The following SMARCA5 variants were observed in gnomAD, a reference collection of about 807,000 sequenced individuals.
SMARCA5 encodes the protein SWI/SNF-related matrix-associated actin-dependent regulator of chromatin subfamily A member 5.
In SMARCA5, 18 loss-of-function variants were observed where a neutral mutation model predicts 140.4. The ratio of observed to expected loss-of-function variants is 0.13; its 90% CI spans 0.09 to 0.19. The LOEUF (loss-of-function observed/expected upper bound fraction) is 0.19, where lower values mean the gene tolerates loss of function less well. SMARCA5 is among the 10% of genes least tolerant of loss of function. The pLI is 1.00. For synonymous variants in SMARCA5, 449 were observed against 419.6 expected (o/e 1.07, Z -0.86); for missense variants, 606 against 1,276.8 (o/e 0.47, Z 8.01).
chr4:143,533,334 C>G (rs34882330), intron 9 of SMARCA5, among the ~76,000 whole-genome samples: 32,044 of 151,898 alleles, frequency 0.21, 3,379 homozygotes, highest in South Asian at 0.29. Context: ...CTAGAGTGTT[C>G]TATTTGGGTA....
At chr4:143,521,674 TA>T (rs1263108029) in intron 3 of SMARCA5, 79 bp downstream of exon 3, 1 of 1,230,408 alleles carries the variant, frequency 8.1e-7, no homozygotes, top group Non-Finnish European at 1.1e-6. Context: ...ATCACTATGA[TA>T]AATAACTTAA....
chr4:143,523,489 A>T (rs1378754257), intron 3 of SMARCA5, among the ~76,000 whole-genome samples: 1 of 152,252 alleles, frequency 6.6e-6, no homozygotes, highest in Non-Finnish European at 1.5e-5. Flanking sequence ...CAGTTTATGG[A>T]GAATAAATAG....
chr4:143,530,437 A>T (rs1737161886), intron 8 of SMARCA5, 21 bp from the exon 9 acceptor site: 1 of 1,565,884 alleles, frequency 6.4e-7, no homozygotes, highest in African/African-American at 1.4e-5. Context: ...ATCTGAGTAT[A>T]TTTTTTGTTT....
intron 1 of SMARCA5, 53 bp downstream of exon 1, chr4:143,514,154 C>CCAG: frequency 6.9e-7 from 1 of 1,441,318 alleles, no homozygotes; most frequent in Non-Finnish European, 9.1e-7. Context: ...GAGGAGCTGG[C>CCAG]TCCCTCGCCG....
chr4:143,550,620 C>T (rs551864884), intron 23 of SMARCA5, among the ~76,000 whole-genome samples: 24 of 152,024 alleles, frequency 1.6e-4, no homozygotes, highest in Admixed American at 3.9e-4. Context: ...TGGTATCCAT[C>T]CTTCTCTCTG....
Position 143,555,197 on chromosome 4 carries a change from C to CT in SMARCA5, c.*2014dup, listed in dbSNP as rs35091623. 0.21 allele frequency: 158,361 copies of CT among 752,658 alleles called. 18,237 individuals carry two copies. Among genetic ancestry groups the CT allele is most frequent in the South Asian group, 0.3 (22,578 of 74,658 alleles). 46.6% of individuals were successfully genotyped at this position (752,658 alleles called of 1,614,324 possible). A position where few individuals can be genotyped will look rare whatever the true frequency, so the allele number is the denominator to read the frequency against. On this transcript the variant is annotated 3_prime_UTR_variant, in exon 24 of 24. Coordinates refer to ENST00000283131, the MANE Select transcript of SMARCA5 (RefSeq NM_003601.4). ...TCGTGGTTTGGCAAAGTATTGGCCT[C>CT]TACCACCATAGGGCCCAGAGCTTCT... is the stretch of plus-strand genomic sequence containing the variant.
rs1339995370 is a variant in SMARCA5, at chr4:143,538,625, G to T, written c.1531G>T (p.Val511Leu). ...ACTAATCTTCAGTCAAATGACAAGG[G>T]TATTGGACATTTTGGAAGATTATTG... is the stretch of plus-strand genomic sequence containing the variant. ...RVLIFSQMTR[V>L]LDILEDYCMW... Residue 511 changes from valine to leucine, a missense_variant, in exon 12 of 24, where the codon GTA (valine) becomes TTA (leucine). By Grantham distance (32) the Val-to-Leu change is conservative. Transcript: ENST00000283131. 8 of 1,611,020 alleles carry T rather than the reference G, an allele frequency of 5.0e-6. No homozygotes were observed. The highest frequency in any genetic ancestry group is 2.2e-5 in the South Asian group (2 of 91,000).
rs952097975 is a variant in SMARCA5, at chr4:143,540,839, T to C, written c.1903+344T>C. On this transcript the variant is annotated intron_variant, in intron 14 of 23. Coordinates refer to ENST00000283131, the MANE Select transcript of SMARCA5 (RefSeq NM_003601.4). ...TATATAAAATATCTGACATTCAGTG[T>C]GGTGGTTAATGATTTATATGTACTA... Among the ~76,000 whole-genome samples the C allele has an allele frequency of 2.6e-5, 4 of 152,116 alleles. No individual in the cohort carries two copies. The South Asian group carries it at 8.3e-4, about 32-fold the overall frequency.
Position 143,555,622 on chromosome 4 carries a change from C to CA in SMARCA5, c.*2441dup, listed in dbSNP as rs1435747230. Reference sequence around the variant, plus strand: ...AAAGATTGCTTAATTGTACATCTGACAAAGTGCTGGAGGCTATTATAAAGT... The same window carrying CA: ...AAAGATTGCTTAATTGTACATCTGACAAAAGTGCTGGAGGCTATTATAAAGT... On this transcript the variant is annotated 3_prime_UTR_variant, in exon 24 of 24. Coordinates refer to ENST00000283131, the MANE Select transcript of SMARCA5 (RefSeq NM_003601.4). 3.5e-6 allele frequency: 1 copy of CA among 288,876 alleles called. No homozygotes were observed. The highest frequency in any genetic ancestry group is 6.7e-6 in the Non-Finnish European group (1 of 149,738). The allele number at this position is 288,876 out of a possible 1,614,324, so 17.9% of individuals were successfully genotyped here.
At chr4:143,526,847 A>G (rs1737084892) in intron 6 of SMARCA5, among the ~76,000 whole-genome samples, 1 of 151,960 alleles carries the variant, frequency 6.6e-6, no homozygotes, top group Admixed American at 6.6e-5. Flanking sequence ...CTGGGCAACA[A>G]AGCAAGACCA....
In SMARCA5 at chr4:143,548,071, A is replaced by G; in HGVS notation, c.2916A>G (p.Glu972=). The change falls in exon 22 of 24, where the codon GAA becomes GAG. Residue 972 remains glutamate, a synonymous_variant. Transcript: ENST00000283131. ...TTGACAAAGAAAATGTTTATGATGA[A>G]TTGCGACAGTGTATTCGCAACTCTC... ...LGFDKENVYD[E]LRQCIRNSPQ... 2 of 1,612,920 alleles carry G rather than the reference A, an allele frequency of 1.2e-6. No homozygotes were observed. The highest frequency in any genetic ancestry group is 1.7e-6 in the Non-Finnish European group (2 of 1,179,150).
At chr4:143,540,298 A>G (rs1476793187) in intron 13 of SMARCA5, 65 bp from the exon 14 acceptor site, 4 of 1,298,212 alleles carry the variant, frequency 3.1e-6, no homozygotes, top group Non-Finnish European at 4.3e-6. Context: ...TTCTCAGTGT[A>G]CCCATTTCAG....
intron 1 of SMARCA5, chr4:143,514,767 C>T (rs1333830317): frequency 1.3e-5 from 2 of 152,170 alleles, no homozygotes; most frequent in African/African-American, 2.4e-5. Context: ...GATCCCCCGT[C>T]TAATTTAGGG....
chr4:143,513,747 T>G lies in SMARCA5; in HGVS notation c.-178T>G. The stretch of plus-strand genomic sequence containing the variant: ...CGCGGAAGAGCAGAACGTTTGGGAG[T>G]GTGCAGCTCCTGGGCCCGGCTCAGG... On this transcript the variant is annotated 5_prime_UTR_variant, in exon 1 of 24. Transcript: ENST00000283131. 3.1e-6 allele frequency: 2 copies of G among 640,146 alleles called. No individual in the cohort carries two copies. The highest frequency in any genetic ancestry group is 5.2e-6 in the Non-Finnish European group (2 of 382,316). The allele number at this position is 640,146 out of a possible 1,614,324, so 39.7% of individuals were successfully genotyped here.
intron 2 of SMARCA5, among the ~76,000 whole-genome samples, chr4:143,517,952 A>G (rs1736875853): frequency 6.6e-6 from 1 of 152,176 alleles, no homozygotes. Context: ...GCCAAATGGA[A>G]GTATTATATG....
Position 143,540,347 on chromosome 4 carries a change from A to C in SMARCA5, c.1771-16A>C, listed in dbSNP as rs1022038121. The C allele has an allele frequency of 1.3e-6, 2 of 1,568,100 alleles. No individual in the cohort carries two copies. The highest frequency in any genetic ancestry group is 3.9e-5 in the Admixed American group (2 of 50,800). On this transcript the variant is annotated splice_polypyrimidine_tract_variant and intron_variant, in intron 13 of 23. Coordinates refer to ENST00000283131, the MANE Select transcript of SMARCA5 (RefSeq NM_003601.4). The stretch of plus-strand genomic sequence containing the variant: ...ACTTTTAAACTAAATTCAAAATAAC[A>C]TGGTAATTTATTTAGGACCGAGCAC...
chr4:143,528,179 A>G lies in SMARCA5; in HGVS notation c.957+156A>G, dbSNP rs138731484. Among the ~76,000 whole-genome samples the G allele has an allele frequency of 5.4e-3, 820 of 152,100 alleles. 2 individuals carry two copies. The highest frequency in any genetic ancestry group is 7.0e-3 in the Non-Finnish European group (475 of 67,982). ...GTGCCATGGTGGTTTGCTGCACCCCATCATCTAGGTTTTAAGCCCCGCATG... is the reference window on the plus strand; with the variant it reads ...GTGCCATGGTGGTTTGCTGCACCCCGTCATCTAGGTTTTAAGCCCCGCATG... On this transcript the variant is annotated intron_variant, in intron 7 of 23. Coordinates refer to ENST00000283131, the MANE Select transcript of SMARCA5 (RefSeq NM_003601.4).
At position 143,525,497 on chromosome 4, in the gene SMARCA5, C is replaced by T. The variant is rs1737050656; in HGVS notation, c.567C>T (p.Asn189=). Residue 189 remains asparagine, a synonymous_variant, in exon 5 of 24, where the codon AAC becomes AAT. Coordinates refer to ENST00000283131, the MANE Select transcript of SMARCA5 (RefSeq NM_003601.4). ...KLRDYQVRGL[N]WLISLYENGI... is the part of the protein sequence containing the mutation. The stretch of plus-strand genomic sequence containing the variant: ...GAGATTATCAGGTCCGAGGATTAAA[C>T]TGGCTCATTTCTTTGTATGAGAATG... The T allele has an allele frequency of 6.2e-7, 1 of 1,613,448 alleles. No homozygotes were observed. The highest frequency in any genetic ancestry group is 1.3e-5 in the African/African-American group (1 of 74,904).
chr4:143,527,492 A>C (rs1008489623), intron 6 of SMARCA5, among the ~76,000 whole-genome samples: 4 of 152,240 alleles, frequency 2.6e-5, no homozygotes, highest in Non-Finnish European at 5.9e-5. Context: ...AAAGGAATGC[A>C]GATGCCTACT....
Sources: gnomAD v4.1 joint callset for allele counts (sites outside exome capture counted in the v4.1 genomes callset) on GRCh38, gnomAD v4.1.1 for gene constraint, MANE v1.5 for transcripts, NCBI Gene and HGNC (gene_info 2026-07-23, HGNC 2026-07-21) for gene names.